The following GCSAML variants were observed in gnomAD, a reference collection of about 807,000 sequenced individuals.
GCSAML encodes germinal center associated signaling and motility like.
In GCSAML, 9 loss-of-function variants were observed where a neutral mutation model predicts 13.0. The ratio of observed to expected loss-of-function variants is 0.69; its 90% CI spans 0.42 to 1.21. The LOEUF (loss-of-function observed/expected upper bound fraction) is 1.21. GCSAML is among the 50% of genes most tolerant of loss of function. The pLI, the probability that GCSAML is intolerant of heterozygous loss-of-function variation, is 0.00. For synonymous variants in GCSAML, 37 were observed against 52.9 expected (o/e 0.70, Z 1.31); for missense variants, 143 against 153.4 (o/e 0.93, Z 0.36).
rs182007235 is a variant in GCSAML, at chr1:247,565,809, G to T, written c.140-122G>T. The stretch of plus-strand genomic sequence containing the variant: ...TGTCATGTCAGATGTTTAGATAATA[G>T]GCCTCTGCAGTTTTATGACTTCTAC... On this transcript the variant is annotated intron_variant, in intron 3 of 4. Coordinates refer to ENST00000366488, the MANE Select transcript of GCSAML (RefSeq NM_145278.5). The T allele has an allele frequency of 1.8e-4, 125 of 691,786 alleles. 1 individual carries two copies. The Admixed American group carries it at 4.1e-3, about 23-fold the overall frequency. The allele number at this position is 691,786 out of a possible 1,614,324, so 42.9% of individuals were successfully genotyped here. A position where few individuals can be genotyped will look rare whatever the true frequency, so the allele number is the denominator to read the frequency against.
upstream of GCSAML, chr1:247,548,936 G>A (rs1389541856): frequency 1.8e-5 from 13 of 710,440 alleles, no homozygotes; most frequent in South Asian, 4.6e-5. The surrounding 1 kb of genome is among the most constrained non-coding windows in gnomAD (Gnocchi z 5.3). Context: ...GTATGCCCAC[G>A]CGTGTGTGTA....
At chr1:247,546,767 A>G (rs1326860741), upstream of GCSAML, among the ~76,000 whole-genome samples, 1 of 152,086 alleles carries the variant, frequency 6.6e-6, no homozygotes, top group African/African-American at 2.4e-5. Context: ...TTGTTTTCAC[A>G]AAGCAAGGAT....
chr1:247,574,505 T>A lies in GCSAML; in HGVS notation c.*123T>A. On this transcript the variant is annotated 3_prime_UTR_variant, in exon 5 of 5. Transcript: ENST00000366488. The stretch of plus-strand genomic sequence containing the variant: ...CTTTCTGGCTAAAGTTTAGAAATAT[T>A]ATCTTATTATATATCCTTAGGCAAC... 9.5e-7 allele frequency: 1 copy of A among 1,057,766 alleles called. No individual in the cohort carries two copies. The highest frequency in any genetic ancestry group is 1.4e-6 in the Non-Finnish European group (1 of 736,102). The allele number at this position is 1,057,766 out of a possible 1,614,324, so 65.5% of individuals were successfully genotyped here.
In GCSAML at chr1:247,574,397, T is replaced by C; in HGVS notation, c.*15T>C. 1 of 1,612,792 alleles carries C rather than the reference T, an allele frequency of 6.2e-7. No homozygotes were observed. The highest frequency in any genetic ancestry group is 2.2e-5 in the East Asian group (1 of 44,864). On this transcript the variant is annotated 3_prime_UTR_variant, in exon 5 of 5. Transcript: ENST00000366488. ...TTCCACACTAAAATCCTCAAGCTGCTTTATCACCTTCCAGCAATGAAGACA... is the reference window on the plus strand; with the variant it reads ...TTCCACACTAAAATCCTCAAGCTGCCTTATCACCTTCCAGCAATGAAGACA...
chr1:247,513,463 C>T (rs1666108755), intron 1 of GCSAML, among the ~76,000 whole-genome samples: 1 of 152,232 alleles, frequency 6.6e-6, no homozygotes, highest in South Asian at 2.1e-4. Flanking sequence ...GTCAGATCCA[C>T]TGAGCTAGAC....
intron 1 of GCSAML, among the ~76,000 whole-genome samples, chr1:247,514,921 T>C (rs1415021846): frequency 6.6e-6 from 1 of 152,360 alleles, no homozygotes; most frequent in East Asian, 1.9e-4. Flanking sequence ...TCTTTTTGCT[T>C]AGTCTTGCTT....
rs530159570 is a variant in GCSAML, at chr1:247,533,357, A to G, written c.-148+6303A>G. The stretch of plus-strand genomic sequence containing the variant: ...CCCTCATTCTTCCCCGCAGTTAGCC[A>G]TAGAAATTAGAATCCCTCTTCCCCA... On this transcript the variant is annotated intron_variant, in intron 2 of 5. Coordinates refer to the GCSAML transcript ENST00000366489. 3.9e-5 allele frequency: 6 copies of G among 152,256 alleles called. No individual in the cohort carries two copies. In the South Asian group the frequency reaches 1.2e-3, roughly 32 times the overall value. 9.4% of individuals were successfully genotyped at this position (152,256 alleles called of 1,614,324 possible). A position where few individuals can be genotyped will look rare whatever the true frequency, so the allele number is the denominator to read the frequency against.
At chr1:247,528,039 T>C (rs1404083236) in intron 2 of GCSAML, 1 of 152,138 alleles carries the variant, frequency 6.6e-6, no homozygotes, top group Non-Finnish European at 1.5e-5. Context: ...AGTTATGATT[T>C]CCCCCATTTG....
rs1002281482 is a variant in GCSAML, at chr1:247,527,990, G to A, written c.-148+936G>A. On this transcript the variant is annotated intron_variant, in intron 2 of 5. Transcript: ENST00000366489. This position sits in a 1 kb window ranked among gnomAD's most constrained non-coding sequence, Gnocchi z 4.6. ...TTTCACAGATGAATGAGAACATGCA[G>A]TATTTAACTTTCTCAAAAATTTTAT... 1.3e-5 allele frequency: 2 copies of A among 152,000 alleles called. No individual in the cohort carries two copies. Among genetic ancestry groups the A allele is most frequent in the Non-Finnish European group, 2.9e-5 (2 of 68,008 alleles). 9.4% of individuals were successfully genotyped at this position (152,000 alleles called of 1,614,324 possible).
chr1:247,518,940 A>C (rs561344547), intron 1 of GCSAML, among the ~76,000 whole-genome samples: 11 of 152,216 alleles, frequency 7.2e-5, no homozygotes, highest in South Asian at 6.2e-4. Flanking sequence ...AGTGAGCTCT[A>C]ATCACACCAC....
intron 2 of GCSAML, chr1:247,533,440 A>G (rs1667090965): frequency 6.6e-6 from 1 of 152,118 alleles, no homozygotes; most frequent in Non-Finnish European, 1.5e-5. Context: ...AAACCTAAAA[A>G]TGTTACTCTA....
At chr1:247,532,871 GGGT>G (rs929765370) in intron 2 of GCSAML, among the ~76,000 whole-genome samples, 57 of 94,880 alleles carry the variant, frequency 6.0e-4, no homozygotes, top group African/African-American at 1.8e-3. Flanking sequence ...ATAAAAGACT[GGGT>G]GGGGGGTGTT....
At chr1:247,558,888 T>G (rs763737580) in intron 2 of GCSAML, among the ~76,000 whole-genome samples, 2 of 150,894 alleles carry the variant, frequency 1.3e-5, no homozygotes, top group Non-Finnish European at 2.9e-5. Flanking sequence ...GAATATAATT[T>G]AAATTTTATT....
At chr1:247,568,086 A>G (rs929671821) in intron 4 of GCSAML, among the ~76,000 whole-genome samples, 16 of 152,054 alleles carry the variant, frequency 1.1e-4, no homozygotes, top group African/African-American at 3.6e-4. Context: ...TCTTTGTCAG[A>G]TGGATAGATT....
chr1:247,518,865 T>G (rs557499404), intron 1 of GCSAML, among the ~76,000 whole-genome samples: 15 of 152,236 alleles, frequency 9.9e-5, no homozygotes, highest in Middle Eastern at 6.8e-3. Flanking sequence ...GGCGCCTGCC[T>G]TTAGTCCTAG....
chr1:247,512,003 G>C (rs191794315), intron 1 of GCSAML, among the ~76,000 whole-genome samples: 1 of 152,058 alleles, frequency 6.6e-6, no homozygotes, highest in African/African-American at 2.4e-5. Context: ...CTCTTCTCGC[G>C]GAGTATCTTA....
intron 2 of GCSAML, among the ~76,000 whole-genome samples, chr1:247,541,034 C>T (rs1407704088): frequency 6.6e-6 from 1 of 152,106 alleles, no homozygotes; most frequent in African/African-American, 2.4e-5. Flanking sequence ...AAAAATGACA[C>T]AAATATTCTT....
At chr1:247,510,191 G>C (rs1665981460) in intron 1 of GCSAML, among the ~76,000 whole-genome samples, 1 of 152,172 alleles carries the variant, frequency 6.6e-6, no homozygotes, top group Non-Finnish European at 1.5e-5. Flanking sequence ...CCTGTTATTA[G>C]TCTATTCAGG....
intron 1 of GCSAML, among the ~76,000 whole-genome samples, chr1:247,554,544 A>G (rs1374134881): frequency 6.6e-6 from 1 of 152,062 alleles, no homozygotes; most frequent in Non-Finnish European, 1.5e-5. Flanking sequence ...ATGTTTTCTT[A>G]TGAATGTATT....
Sources: allele counts gnomAD v4.1 joint callset (sites outside exome capture counted in the v4.1 genomes callset), GRCh38; gene constraint gnomAD v4.1.1; non-coding constraint Gnocchi (gnomAD v3.1); transcripts MANE v1.5; gene names NCBI Gene and HGNC (gene_info 2026-07-23, HGNC 2026-07-21).